ZDHHC7: variants seen among roughly 807,000 people sequenced by gnomAD.
ZDHHC7 encodes palmitoyltransferase ZDHHC7.
In ZDHHC7, 12 loss-of-function variants were observed where a neutral mutation model predicts 34.1. The observed-to-expected ratio is 0.35, with a 90% CI of 0.23 to 0.57. The LOEUF is 0.57. ZDHHC7 is among the 20% of genes least tolerant of loss of function. ZDHHC7 has a pLI of 0.84. For missense variants in ZDHHC7, 388 were observed against 402.7 expected, an observed-to-expected ratio of 0.96 and a Z score of 0.31; for synonymous variants, 185 against 155.4, an observed-to-expected ratio of 1.19 and a Z score of -1.42.
At chr16:84,999,560 C>G (rs1597556725) in intron 1 of ZDHHC7, among the ~76,000 whole-genome samples, 1 of 152,096 alleles carries the variant, frequency 6.6e-6, no homozygotes, top group Admixed American at 6.5e-5. Context: ...CTGATACAAG[C>G]AACATGGCTA....
intron 1 of ZDHHC7, among the ~76,000 whole-genome samples, chr16:85,004,202 A>AT (rs1200083842): frequency 1.3e-5 from 2 of 151,938 alleles, no homozygotes; most frequent in East Asian, 3.9e-4. Context: ...CCAAAAAAAA[A>AT]GGCCCCGCCC....
chr16:85,023,886 G>C, the ZDHHC7 span, among the ~76,000 whole-genome samples: 3,176 of 152,194 alleles, frequency 0.021, 54 homozygotes, highest in Middle Eastern at 0.045. Flanking sequence ...AAAGTGCTGG[G>C]ATTATAGGCA....
chr16:85,007,929 C>G (rs1270139719), intron 1 of ZDHHC7, among the ~76,000 whole-genome samples: 2 of 151,954 alleles, frequency 1.3e-5, no homozygotes, highest in Non-Finnish European at 2.9e-5. Flanking sequence ...TTCAGACCAG[C>G]CTGGGTATCA....
Position 84,976,407 on chromosome 16 carries a change from A to G in ZDHHC7, c.863T>C (p.Val288Ala), listed in dbSNP as rs765650587. ...PPSLLWMNPFVGFRFRRLPTR... is the reference protein window; with the variant it reads ...PPSLLWMNPFAGFRFRRLPTR... The stretch of plus-strand genomic sequence containing the variant: ...GGGCAGTCGCCTAAATCGGAAGCCC[A>G]CAAAGGGATTCATCCAGAGGAGTGA... Residue 288 changes from valine (V) to alanine (A), a missense_variant, in exon 8 of 8, where the codon GTG (valine) becomes GCG (alanine). Transcript: ENST00000313732. 8.1e-6 allele frequency: 13 copies of G among 1,614,012 alleles called. No individual in the cohort carries two copies. Among genetic ancestry groups the G allele is most frequent in the Non-Finnish European group, 1.1e-5 (13 of 1,180,026 alleles).
rs557391658 is a variant in ZDHHC7, at chr16:84,975,332, A to C, written c.*1011T>G. ...CCCAATGGCTGGGCCCTGCCTCTCC[A>C]GTAAGGATGCCTCCCCTGCCCCACA... On this transcript the variant is annotated 3_prime_UTR_variant, in exon 8 of 8. Transcript: ENST00000313732. 2.6e-5 allele frequency: 4 copies of C among 152,438 alleles called. No individual in the cohort carries two copies. The East Asian group carries it at 7.7e-4, about 29-fold the overall frequency. The allele number at this position is 152,438 out of a possible 1,614,324, so 9.4% of individuals were successfully genotyped here.
upstream of ZDHHC7, chr16:85,011,553 T>C (rs2072793519): frequency 6.6e-6 from 1 of 152,182 alleles, no homozygotes; most frequent in South Asian, 2.1e-4. Flanking sequence ...ACGAGGTCAG[T>C]GACGTCACGC....
intron 3 of ZDHHC7, among the ~76,000 whole-genome samples, chr16:84,982,322 G>A (rs988310158): frequency 1.1e-4 from 17 of 150,286 alleles, no homozygotes; most frequent in African/African-American, 3.9e-4. Flanking sequence ...TCCAACCTGG[G>A]CGACAGGGCA....
chr16:84,981,826 C>T (rs370745262), intron 4 of ZDHHC7, 44 bp downstream of exon 4: 163 of 1,612,226 alleles, frequency 1.0e-4, no homozygotes, highest in Non-Finnish European at 1.3e-4. Context: ...CACACGTACC[C>T]GCAGTGGCGG....
chr16:85,001,137 G>C (rs1287773433), intron 1 of ZDHHC7, among the ~76,000 whole-genome samples: 6 of 152,120 alleles, frequency 3.9e-5, no homozygotes, highest in Non-Finnish European at 7.4e-5. Context: ...CACTCTGCTG[G>C]AATGGGAGGC....
chr16:84,988,478 T>C (rs922019719), intron 3 of ZDHHC7, among the ~76,000 whole-genome samples: 3 of 152,100 alleles, frequency 2.0e-5, no homozygotes, highest in African/African-American at 7.2e-5. Flanking sequence ...CATTCAACAT[T>C]CTCTGCAGTA....
At chr16:84,979,107 G>T in intron 5 of ZDHHC7, 82 bp downstream of exon 5, 1 of 1,374,038 alleles carries the variant, frequency 7.3e-7, no homozygotes, top group Non-Finnish European at 9.9e-7. Flanking sequence ...CCTGACGTTA[G>T]TAGATTTCTC....
chr16:85,006,818 C>G (rs1259026806), intron 1 of ZDHHC7, among the ~76,000 whole-genome samples: 1 of 152,166 alleles, frequency 6.6e-6, no homozygotes, highest in African/African-American at 2.4e-5. Flanking sequence ...AACCTTCTGG[C>G]TCTCCCAACC....
chr16:85,000,837 G>A (rs979669620), intron 1 of ZDHHC7, among the ~76,000 whole-genome samples: 25 of 152,186 alleles, frequency 1.6e-4, no homozygotes, highest in African/African-American at 5.3e-4. Context: ...GCAGCGAGGT[G>A]AGGATCCAAT....
At chr16:85,023,762 G>C in the ZDHHC7 span, among the ~76,000 whole-genome samples, 1 of 151,972 alleles carries the variant, frequency 6.6e-6, no homozygotes, top group African/African-American at 2.4e-5. Context: ...AGGACTACAG[G>C]CATGCGCCAC....
intron 3 of ZDHHC7, among the ~76,000 whole-genome samples, chr16:84,986,651 G>C (rs1317890529): frequency 2.0e-5 from 3 of 152,114 alleles, no homozygotes; most frequent in African/African-American, 7.2e-5. Flanking sequence ...TCTATCAGTA[G>C]GCCTCTGACC....
At chr16:85,020,581 G>A in the ZDHHC7 span, among the ~76,000 whole-genome samples, 4 of 152,142 alleles carry the variant, frequency 2.6e-5, no homozygotes, top group Non-Finnish European at 5.9e-5. Context: ...CAAAGGAAGT[G>A]GGTTCTGGGC....
intron 5 of ZDHHC7, 64 bp downstream of exon 5, chr16:84,979,125 G>A: frequency 2.0e-6 from 3 of 1,491,544 alleles, no homozygotes; most frequent in Non-Finnish European, 2.7e-6. Context: ...CTCTGCTCCA[G>A]GCAAGAAGCA....
Position 84,979,298 on chromosome 16 carries a change from G to A in ZDHHC7, c.441-13C>T, listed in dbSNP as rs2072336821. ...TCTTTTGCAAATACTGAAAAGGAGA[G>A]TTTGATTTTTCAGTATTCCATGCTC... On this transcript the variant is annotated splice_polypyrimidine_tract_variant and intron_variant, in intron 4 of 7. Transcript: ENST00000313732. The A allele has an allele frequency of 1.2e-6, 2 of 1,607,028 alleles. No individual in the cohort carries two copies. Among genetic ancestry groups the A allele is most frequent in the Non-Finnish European group, 8.5e-7 (1 of 1,178,504 alleles).
intron 6 of ZDHHC7, 149 bp from the exon 7 acceptor site, chr16:84,977,374 C>T: frequency 9.5e-7 from 1 of 1,047,512 alleles, no homozygotes; most frequent in Non-Finnish European, 1.4e-6. Context: ...TCATTGTTCT[C>T]CAAGGAGCAG....
Sources: allele counts gnomAD v4.1 joint callset (sites outside exome capture counted in the v4.1 genomes callset), GRCh38; gene constraint gnomAD v4.1.1; transcripts MANE v1.5; gene names NCBI Gene and HGNC (gene_info 2026-07-23, HGNC 2026-07-21).